The following FNTB variants were observed in gnomAD, a reference collection of about 807,000 sequenced individuals.
FNTB encodes farnesyltransferase, CAAX box, subunit beta.
A neutral mutation model predicts 59.4 loss-of-function variants in FNTB; 27 were observed. The ratio of observed to expected loss-of-function variants is 0.45; its 90% CI spans 0.34 to 0.63. The LOEUF (loss-of-function observed/expected upper bound fraction) is 0.63. Ranked by LOEUF, FNTB falls within the 20% of genes least tolerant of loss-of-function variation. FNTB has a pLI of 0.02. For missense variants in FNTB, 449 were observed against 559.6 expected (o/e 0.80, Z 1.99); for synonymous variants, 230 against 220.7 (o/e 1.04, Z -0.37).
At chr14:65,053,457 C>G in intron 10 of FNTB, 108 bp downstream of exon 10, 2 of 938,540 alleles carry the variant, frequency 2.1e-6, no homozygotes, top group Non-Finnish European at 2.8e-6. Flanking sequence ...GTGTCACCTT[C>G]AGCACCTGCA....
chr14:65,000,595 C>T (rs1888555289), intron 1 of FNTB, among the ~76,000 whole-genome samples: 1 of 151,850 alleles, frequency 6.6e-6, no homozygotes, highest in South Asian at 2.1e-4. Flanking sequence ...CTGAGACCGG[C>T]AGATCACGAG....
intron 11 of FNTB, among the ~76,000 whole-genome samples, chr14:65,058,190 C>T (rs1201758437): frequency 6.8e-6 from 1 of 147,484 alleles, no homozygotes; most frequent in Non-Finnish European, 1.5e-5. Flanking sequence ...CATTTATGAA[C>T]ATAATTTTTC....
chr14:64,987,135 T>A, intron 1 of FNTB, 38 bp downstream of exon 1: 3 of 1,612,520 alleles, frequency 1.9e-6, no homozygotes, highest in South Asian at 1.1e-5. Context: ...CCGCGCGATG[T>A]GTTCTGGGAG....
chr14:65,039,593 C>T (rs900281882), intron 7 of FNTB, among the ~76,000 whole-genome samples: 5 of 152,140 alleles, frequency 3.3e-5, no homozygotes, highest in Non-Finnish European at 5.9e-5. Context: ...GCCCCTCTCC[C>T]ATCCCTATCC....
At chr14:65,021,477 G>A (rs1486303617) in intron 4 of FNTB, among the ~76,000 whole-genome samples, 1 of 152,064 alleles carries the variant, frequency 6.6e-6, no homozygotes, top group Non-Finnish European at 1.5e-5. Flanking sequence ...CTTTCAGTGA[G>A]GACACCATAT....
intron 9 of FNTB, among the ~76,000 whole-genome samples, chr14:65,050,729 T>C (rs899343617): frequency 6.6e-6 from 1 of 152,258 alleles, no homozygotes; most frequent in African/African-American, 2.4e-5. Context: ...AGAGCAGGGC[T>C]ACTCCACAGG....
rs2062675874 is a variant in FNTB at position 65,054,148 on chromosome 14, T to C, written c.1068-427T>C. On this transcript the variant is annotated intron_variant, in intron 10 of 11. Transcript: ENST00000246166. This position sits in a 1 kb window ranked among gnomAD's most constrained non-coding sequence, Gnocchi z 4.4. ...ACTTTTTTGAGACAGGGTCTCACTCTGTCACCCAGGCTGGAGTGCAGTGTC... is the reference window on the plus strand; with the variant it reads ...ACTTTTTTGAGACAGGGTCTCACTCCGTCACCCAGGCTGGAGTGCAGTGTC... Among the ~76,000 whole-genome samples, 1 of 152,102 alleles carries C rather than the reference T, an allele frequency of 6.6e-6. No homozygotes were observed. Among genetic ancestry groups the C allele is most frequent in the Non-Finnish European group, 1.5e-5 (1 of 68,020 alleles).
chr14:65,003,078 C>G (rs755968292), intron 1 of FNTB, among the ~76,000 whole-genome samples: 1 of 152,154 alleles, frequency 6.6e-6, no homozygotes, highest in Admixed American at 6.5e-5. Context: ...GAACCCAGCA[C>G]GCAATTTTTG....
Position 65,013,958 on chromosome 14 carries a change from C to T in FNTB, c.282+1569C>T, listed in dbSNP as rs146138417. 3.5e-4 allele frequency among the ~76,000 whole-genome samples: 54 copies of T among 152,264 alleles called. 1 individual carries two copies. The East Asian group carries it at 9.6e-3, about 27-fold the overall frequency. On this transcript the variant is annotated intron_variant, in intron 3 of 11. Coordinates refer to ENST00000246166, the MANE Select transcript of FNTB (RefSeq NM_002028.4). ...AAGTCATTTGCTCAAAGGCACATAG[C>T]GAGTAAGATGAGGAGCTGGGATTCA...
intron 7 of FNTB, 122 bp from the exon 8 acceptor site, chr14:65,040,668 C>A: frequency 2.4e-5 from 18 of 741,294 alleles, no homozygotes; most frequent in East Asian, 6.5e-5. Context: ...TCTTTTCATT[C>A]ATAGTTGTGA....
At position 65,040,723 on chromosome 14, in the gene FNTB, G is replaced by T. The variant is rs2062332971; in HGVS notation, c.693-67G>T. On this transcript the variant is annotated intron_variant, in intron 7 of 11. Transcript: ENST00000246166. ...AGTGAACTTTTTCTCTGCCACCTAG[G>T]ATGGTCCTGGTCTTGTGTACGTCCA... The T allele has an allele frequency of 2.0e-6, 3 of 1,533,994 alleles. No individual in the cohort carries two copies. The African/African-American group carries it at 4.1e-5, about 21-fold the overall frequency.
chr14:65,016,805 A>G (rs1282291948), intron 4 of FNTB, among the ~76,000 whole-genome samples: 1 of 151,846 alleles, frequency 6.6e-6, no homozygotes, highest in African/African-American at 2.4e-5. Flanking sequence ...AGGCAAGTGC[A>G]TTGTTTTGAT....
In FNTB at chr14:65,044,721, T is replaced by G; in HGVS notation, c.955+278T>G. Reference sequence around the variant, plus strand: ...GAGCGGGGAGGAAGTGGGCGCTGCTTCTGCGTTATCTGGAAGGAGCAGCCC... The same window carrying G: ...GAGCGGGGAGGAAGTGGGCGCTGCTGCTGCGTTATCTGGAAGGAGCAGCCC... On this transcript the variant is annotated intron_variant, in intron 9 of 11. Transcript: ENST00000246166. This position sits in a 1 kb window ranked among gnomAD's most constrained non-coding sequence, Gnocchi z 5.5. The G allele has an allele frequency of 2.2e-6, 1 of 445,012 alleles. No homozygotes were observed. The highest frequency in any genetic ancestry group is 3.9e-6 in the Non-Finnish European group (1 of 256,626). The allele number at this position is 445,012 out of a possible 1,614,324, so 27.6% of individuals were successfully genotyped here.
rs774124652 is a variant in FNTB, at chr14:65,061,136, A to G, written c.1183-45A>G. ...GAGCAAAGGATGTGTTATGTTTTCA[A>G]GGACCACCGGGGTGATTAACTGGCA... On this transcript the variant is annotated intron_variant, in intron 11 of 11. Coordinates refer to ENST00000246166, the MANE Select transcript of FNTB (RefSeq NM_002028.4). 6 of 1,603,830 alleles carry G rather than the reference A, an allele frequency of 3.7e-6. No individual in the cohort carries two copies. In the African/African-American group the frequency reaches 4.0e-5, roughly 11 times the overall value.
rs1888325377 is a variant in FNTB, at chr14:64,994,566, A to G, written c.144+7469A>G. ...TGTACTAAATACTGCAGGCAATTGG[A>G]ACACAATGGTAAATATTTTTGTATC... On this transcript the variant is annotated intron_variant, in intron 1 of 11. Transcript: ENST00000246166. The surrounding 1 kb of genome is among the most constrained non-coding windows in gnomAD (Gnocchi z 4.2). Among the ~76,000 whole-genome samples, 1 of 152,232 alleles carries G rather than the reference A, an allele frequency of 6.6e-6. No individual in the cohort carries two copies. Among genetic ancestry groups the G allele is most frequent in the African/African-American group, 2.4e-5 (1 of 41,456 alleles).
At chr14:65,000,952 T>C (rs187960695) in intron 1 of FNTB, among the ~76,000 whole-genome samples, 21 of 152,290 alleles carry the variant, frequency 1.4e-4, no homozygotes, top group African/African-American at 4.6e-4. Flanking sequence ...TACATTATTC[T>C]TTGTATCACA....
rs140804199 is a variant in FNTB, at chr14:65,019,630, G to A, written c.374+3914G>A. 3.3e-3 allele frequency among the ~76,000 whole-genome samples: 501 copies of A among 152,330 alleles called. 2 individuals carry two copies. Among genetic ancestry groups the A allele is most frequent in the African/African-American group, 0.011 (470 of 41,566 alleles). ...TCCTTATTTCAAAAACCACTTGACA[G>A]TTAATGAGAGTTTCTGCTTCACAGA... On this transcript the variant is annotated intron_variant, in intron 4 of 11. Coordinates refer to ENST00000246166, the MANE Select transcript of FNTB (RefSeq NM_002028.4).
At chr14:65,048,438 T>C (rs765693537) in intron 9 of FNTB, among the ~76,000 whole-genome samples, 4 of 152,194 alleles carry the variant, frequency 2.6e-5, no homozygotes, top group Non-Finnish European at 5.9e-5. Flanking sequence ...ATGCTCTACA[T>C]AGTGCAGCAC....
At chr14:65,053,083 T>C (rs945931002) in intron 9 of FNTB, 155 bp from the exon 10 acceptor site, 22 of 464,586 alleles carry the variant, frequency 4.7e-5, no homozygotes, top group Middle Eastern at 3.0e-4. Flanking sequence ...ATGCTGTGCG[T>C]AGGACATGGG....
Sources: gnomAD v4.1 joint callset for allele counts (sites outside exome capture counted in the v4.1 genomes callset) on GRCh38, gnomAD v4.1.1 for gene constraint, Gnocchi (gnomAD v3.1) non-coding constraint, MANE v1.5 for transcripts, NCBI Gene and HGNC (gene_info 2026-07-23, HGNC 2026-07-21) for gene names.